OTOGL: variants seen among roughly 807,000 people sequenced by gnomAD.
OTOGL encodes otogelin-like protein.
In OTOGL, 285 loss-of-function variants were observed where a neutral mutation model predicts 318.5. The ratio of observed to expected loss-of-function variants is 0.89; its 90% CI spans 0.81 to 0.99. OTOGL has a LOEUF of 0.99. Among genes scored for constraint, OTOGL ranks in the 50% least tolerant of loss-of-function variants. The probability of loss-of-function intolerance (pLI) is 0.00; values close to 1 mark genes in which losing one functional copy is unlikely to be tolerated. For missense variants in OTOGL, 2,899 were observed against 2,845.6 expected, an observed-to-expected ratio of 1.02 and a Z score of -0.43; for synonymous variants, 987 against 936.5, an observed-to-expected ratio of 1.05 and a Z score of -0.99.
chr12:80,369,492 C>A (rs780363884), intron 55 of OTOGL, among the ~76,000 whole-genome samples: 17 of 151,958 alleles, frequency 1.1e-4, no homozygotes, highest in Non-Finnish European at 2.4e-4. Context: ...TGAAAATAAC[C>A]ATAAAGTGTC....
chr12:80,217,275 C>T (rs1165444832), intron 4 of OTOGL, among the ~76,000 whole-genome samples: 4 of 126,688 alleles, frequency 3.2e-5, no homozygotes, highest in African/African-American at 5.9e-5. Context: ...GTGGAGGGAT[C>T]GGGGGCTGGG....
intron 9 of OTOGL, among the ~76,000 whole-genome samples, chr12:80,237,212 C>T (rs1375094754): frequency 6.6e-6 from 1 of 152,168 alleles, no homozygotes; most frequent in Non-Finnish European, 1.5e-5. Flanking sequence ...TGAGTACCTA[C>T]TATATGCCAG....
At chr12:80,329,209 A>C in intron 37 of OTOGL, 90 bp downstream of exon 37, 2 of 1,005,006 alleles carry the variant, frequency 2.0e-6, no homozygotes, top group Non-Finnish European at 2.8e-6. Flanking sequence ...TATAGCTGCT[A>C]TCATTAATAC....
chr12:80,301,048 T>C (rs2137729562), intron 27 of OTOGL, among the ~76,000 whole-genome samples: 1 of 152,374 alleles, frequency 6.6e-6, no homozygotes, highest in South Asian at 2.1e-4. Flanking sequence ...ACTAAATTTA[T>C]TTCATTTCCC....
At chr12:80,156,156 G>T (rs1204379458) in intron 1 of OTOGL, among the ~76,000 whole-genome samples, 1 of 152,228 alleles carries the variant, frequency 6.6e-6, no homozygotes, top group East Asian at 1.9e-4. Context: ...CCTCAATCTG[G>T]ATGGGCACAA....
chr12:80,117,266 A>T (rs541774015), intron 1 of OTOGL, among the ~76,000 whole-genome samples: 54 of 152,020 alleles, frequency 3.6e-4, no homozygotes, highest in African/African-American at 1.1e-3. Flanking sequence ...GACTTAAAAA[A>T]ATATATATAT....
In OTOGL at chr12:80,119,078, T is replaced by C. The variant is rs550373822; in HGVS notation, c.-20+19473T>C. On this transcript the variant is annotated intron_variant, in intron 1 of 58. Coordinates refer to ENST00000547103, the MANE Select transcript of OTOGL (RefSeq NM_001378609.3). ...TTGAGGAGCATGATTGTTTATATTC[T>C]AGAAAAGACAGTGGGAAGAAGAGAG... Among the ~76,000 whole-genome samples, 4 of 152,270 alleles carry C rather than the reference T, an allele frequency of 2.6e-5. No homozygotes were observed. In the South Asian group the frequency reaches 8.3e-4, roughly 32 times the overall value.
intron 1 of OTOGL, among the ~76,000 whole-genome samples, chr12:80,112,378 G>A (rs1869892871): frequency 1.3e-5 from 2 of 152,174 alleles, no homozygotes; most frequent in South Asian, 4.1e-4. Flanking sequence ...TTGGCTGTGG[G>A]TTTGTCATAA....
chr12:80,295,256 A>T (rs1202142385), intron 26 of OTOGL, among the ~76,000 whole-genome samples: 1 of 142,512 alleles, frequency 7.0e-6, no homozygotes, highest in African/African-American at 2.7e-5. Context: ...AGCTTACTGC[A>T]ACTTCAGCCT....
chr12:80,228,460 C>T (rs1012120254), intron 7 of OTOGL, among the ~76,000 whole-genome samples: 1 of 151,544 alleles, frequency 6.6e-6, no homozygotes, highest in African/African-American at 2.4e-5. Flanking sequence ...AACAAACAAA[C>T]AAAAACAAAC....
chr12:80,368,194 A>G lies in OTOGL; in HGVS notation c.6511-11A>G. 3.2e-6 allele frequency: 5 copies of G among 1,555,248 alleles called. No individual in the cohort carries two copies. The South Asian group carries it at 3.5e-5, about 11-fold the overall frequency. ...GATATGGTGTCGCTAATCTAATATC[A>G]TTATATGCAGCACCAGGTATATACT... is the stretch of plus-strand genomic sequence containing the variant. On this transcript the variant is annotated splice_polypyrimidine_tract_variant and intron_variant, in intron 54 of 58. Coordinates refer to ENST00000547103, the MANE Select transcript of OTOGL (RefSeq NM_001378609.3).
chr12:80,254,676 C>A, intron 15 of OTOGL, 106 bp downstream of exon 15: 1 of 874,330 alleles, frequency 1.1e-6, no homozygotes, highest in Non-Finnish European at 1.7e-6. Context: ...CCAAGGGCTA[C>A]AATAATCTGT....
rs1041753312 is a variant in OTOGL at position 80,255,965 on chromosome 12, C to T, written c.1588-372C>T. Among the ~76,000 whole-genome samples, 6 of 151,566 alleles carry T rather than the reference C, an allele frequency of 4.0e-5. No individual in the cohort carries two copies. The East Asian group carries it at 9.7e-4, about 24-fold the overall frequency. On this transcript the variant is annotated intron_variant, in intron 16 of 58. Coordinates refer to ENST00000547103, the MANE Select transcript of OTOGL (RefSeq NM_001378609.3). ...CTTTATTGACTTTTTTTGTCTAATA[C>T]GCCAGTTAAATGAATTTAGAGAGGT... is the stretch of plus-strand genomic sequence containing the variant.
At chr12:80,234,922 A>T (rs997609057) in intron 9 of OTOGL, among the ~76,000 whole-genome samples, 1 of 152,166 alleles carries the variant, frequency 6.6e-6, no homozygotes, top group Non-Finnish European at 1.5e-5. Flanking sequence ...GAAAGTGTTT[A>T]AAAGTTTCTG....
At chr12:80,123,423 C>T (rs1358530309) in intron 1 of OTOGL, among the ~76,000 whole-genome samples, 3 of 152,128 alleles carry the variant, frequency 2.0e-5, no homozygotes, top group Non-Finnish European at 4.4e-5. Flanking sequence ...TTTCTTAATC[C>T]AGTCTATCAT....
At chr12:80,163,780 G>A (rs754502851) in intron 1 of OTOGL, among the ~76,000 whole-genome samples, 1 of 152,096 alleles carries the variant, frequency 6.6e-6, no homozygotes, top group African/African-American at 2.4e-5. Context: ...AATGACAGAG[G>A]AGCAAGAGAG....
chr12:80,378,055 G>A lies in OTOGL; in HGVS notation c.*7G>A. 1 of 1,553,010 alleles carries A rather than the reference G, an allele frequency of 6.4e-7. No homozygotes were observed. The highest frequency in any genetic ancestry group is 8.7e-7 in the Non-Finnish European group (1 of 1,143,102). On this transcript the variant is annotated 3_prime_UTR_variant, in exon 59 of 59. Transcript: ENST00000547103. ...TACGTGCCAGTGGAATTAAACCCTT[G>A]GGTTCCAAGAGCTCTATACAACATC...
At chr12:80,200,419 G>T (rs1355032871) in intron 1 of OTOGL, among the ~76,000 whole-genome samples, 1 of 152,182 alleles carries the variant, frequency 6.6e-6, no homozygotes, top group Non-Finnish European at 1.5e-5. Context: ...CATTGCTTTT[G>T]TACTCCCCTT....
chr12:80,331,894 G>A (rs1888095220), intron 37 of OTOGL, among the ~76,000 whole-genome samples: 1 of 152,098 alleles, frequency 6.6e-6, no homozygotes, highest in Non-Finnish European at 1.5e-5. Flanking sequence ...CAGGGAAGGT[G>A]ATGTGACAAT....
Sources: allele counts gnomAD v4.1 joint callset (sites outside exome capture counted in the v4.1 genomes callset), GRCh38; gene constraint gnomAD v4.1.1; transcripts MANE v1.5; gene names NCBI Gene and HGNC (gene_info 2026-07-23, HGNC 2026-07-21).